The following CDK13 variants were observed in gnomAD, a reference collection of about 807,000 sequenced individuals.
CDK13 encodes cyclin dependent kinase 13, also known as cyclin-dependent kinase 13.
A neutral mutation model predicts 137.6 loss-of-function variants in CDK13; 40 were observed. The observed-to-expected ratio is 0.29, with a 90% CI of 0.23 to 0.38. The LOEUF is 0.38. Among genes scored for constraint, CDK13 ranks in the 10% least tolerant of loss-of-function variants. CDK13 has a pLI of 1.00. For synonymous variants in CDK13, 869 were observed against 760.1 expected (o/e 1.14, Z -2.36); for missense variants, 1,704 against 1,951.8 (o/e 0.87, Z 2.39).
At chr7:39,982,859 G>T (rs886989986) in intron 1 of CDK13, among the ~76,000 whole-genome samples, 6 of 152,088 alleles carry the variant, frequency 3.9e-5, no homozygotes, top group African/African-American at 1.4e-4. Flanking sequence ...TTTTTGATGG[G>T]GTTGTTTGTT....
chr7:40,008,756 C>T (rs781358363), intron 5 of CDK13, among the ~76,000 whole-genome samples: 7 of 152,032 alleles, frequency 4.6e-5, no homozygotes, highest in African/African-American at 7.2e-5. Flanking sequence ...TGTAACAGTG[C>T]GGCTTCCAGC....
At chr7:39,969,671 ATTTT>A in intron 1 of CDK13, among the ~76,000 whole-genome samples, 1 of 144,974 alleles carries the variant, frequency 6.9e-6, no homozygotes, top group African/African-American at 2.5e-5. Flanking sequence ...AATAAGACTT[ATTTT>A]TTTTTTTGTC....
At chr7:40,007,712 A>G (rs1583981246) in intron 5 of CDK13, among the ~76,000 whole-genome samples, 1 of 152,018 alleles carries the variant, frequency 6.6e-6, no homozygotes, top group South Asian at 2.1e-4. Flanking sequence ...ACAGGCATGA[A>G]CCACCGCGCC....
intron 1 of CDK13, among the ~76,000 whole-genome samples, chr7:39,968,504 C>A (rs988932482): frequency 6.6e-6 from 1 of 152,208 alleles, no homozygotes; most frequent in Non-Finnish European, 1.5e-5. Flanking sequence ...TCTGCAGTAG[C>A]TGGGACTACA....
intron 5 of CDK13, among the ~76,000 whole-genome samples, chr7:40,028,598 A>C (rs966168650): frequency 1.5e-4 from 23 of 152,086 alleles, no homozygotes; most frequent in South Asian, 4.1e-4. Context: ...AAGGATCAGA[A>C]ATGCAAATAA....
intron 12 of CDK13, among the ~76,000 whole-genome samples, chr7:40,088,680 A>G (rs1246672875): frequency 1.3e-5 from 2 of 152,214 alleles, no homozygotes; most frequent in Non-Finnish European, 2.9e-5. Flanking sequence ...GTAGGAAGAA[A>G]GGTATAAGAA....
chr7:39,953,755 G>A (rs2116087684), intron 1 of CDK13, among the ~76,000 whole-genome samples: 1 of 152,230 alleles, frequency 6.6e-6, no homozygotes, highest in African/African-American at 2.4e-5. Context: ...AGTTGAATTT[G>A]GAAGGAACTT....
intron 7 of CDK13, among the ~76,000 whole-genome samples, chr7:40,056,927 A>G (rs1211409887): frequency 6.6e-6 from 1 of 152,366 alleles, no homozygotes; most frequent in Admixed American, 6.5e-5. Context: ...GGCTTAAAGA[A>G]TGAGAAGTTT....
chr7:40,021,104 T>TACACACAC (rs1491265610), intron 5 of CDK13, among the ~76,000 whole-genome samples: 5 of 14,638 alleles, frequency 3.4e-4, no homozygotes, highest in Non-Finnish European at 2.1e-3. Flanking sequence ...CAAACAAACG[T>TACACACAC]ATATATATAT....
At position 39,951,799 on chromosome 7, in the gene CDK13, C is replaced by T; in HGVS notation, c.1158C>T (p.Pro386=). ...YERGGDVSPS[P]YSSSSWRRSR... is the part of the protein sequence containing the mutation. ...GGGGCGGCGACGTGTCCCCTAGTCC[C>T]TACAGCAGCAGCAGCTGGCGCCGCT... Residue 386 remains proline (P), a synonymous_variant, in exon 1 of 14, where the codon CCC becomes CCT. Transcript: ENST00000181839. 3 of 1,458,752 alleles carry T rather than the reference C, an allele frequency of 2.1e-6. No individual in the cohort carries two copies. The highest frequency in any genetic ancestry group is 5.2e-5 in the East Asian group (2 of 38,582). 90.4% of individuals were successfully genotyped at this position (1,458,752 alleles called of 1,614,324 possible).
At chr7:40,093,829 C>G (rs778285464) in intron 13 of CDK13, among the ~76,000 whole-genome samples, 1 of 151,168 alleles carries the variant, frequency 6.6e-6, no homozygotes, top group African/African-American at 2.4e-5. Flanking sequence ...TCACTTGAGC[C>G]CAGGAGGTCA....
intron 1 of CDK13, among the ~76,000 whole-genome samples, chr7:39,972,086 A>G (rs1008697404): frequency 1.3e-5 from 2 of 152,202 alleles, no homozygotes; most frequent in Admixed American, 6.6e-5. Flanking sequence ...TCTGTCTTCA[A>G]AAATACATAT....
At position 40,094,186 on chromosome 7, in the gene CDK13, C is replaced by A. The variant is rs1180834007; in HGVS notation, c.3745C>A (p.Pro1249Thr). ...GAGGATCTTGGAGCTAACGCCAGAA[C>A]CAGACCGGCCTCGAATTCTGCCTCC... ...DMRILELTPE[P>T]DRPRILPPDQ... Residue 1249 changes from proline (P) to threonine (T), a missense_variant, in exon 14 of 14, where the codon CCA (proline) becomes ACA (threonine). Physicochemically the swap from Pro to Thr is conservative, Grantham distance 38. Around this residue, in one of 5 missense-constraint regions of CDK13, gnomAD observed 475 missense variants for 579.3 expected, o/e 0.82. Transcript: ENST00000181839. 1.2e-6 allele frequency: 2 copies of A among 1,613,906 alleles called. No individual in the cohort carries two copies. The highest frequency in any genetic ancestry group is 2.2e-5 in the South Asian group (2 of 91,074).
intron 7 of CDK13, among the ~76,000 whole-genome samples, chr7:40,054,065 A>G (rs1348860017): frequency 6.6e-6 from 1 of 152,206 alleles, no homozygotes; most frequent in Non-Finnish European, 1.5e-5. Flanking sequence ...ACCTAGAAGT[A>G]TCTTCCAGGT....
chr7:40,011,275 A>G (rs528379974), intron 5 of CDK13, among the ~76,000 whole-genome samples: 9 of 152,030 alleles, frequency 5.9e-5, no homozygotes, highest in African/African-American at 1.9e-4. Flanking sequence ...CATAATCCCA[A>G]CCCCTTGGAG....
intron 12 of CDK13, among the ~76,000 whole-genome samples, chr7:40,090,313 C>T (rs911342335): frequency 2.0e-5 from 3 of 152,176 alleles, no homozygotes; most frequent in African/African-American, 7.2e-5. Flanking sequence ...ACTTACTTTA[C>T]AACCCTGTTT....
chr7:40,033,868 G>A (rs893984521), intron 5 of CDK13, among the ~76,000 whole-genome samples: 1 of 152,166 alleles, frequency 6.6e-6, no homozygotes, highest in African/African-American at 2.4e-5. Context: ...TGAGACAGGA[G>A]TGCTAGAGGA....
intron 12 of CDK13, chr7:40,092,519 A>T: frequency 2.5e-6 from 1 of 397,716 alleles, no homozygotes; most frequent in Non-Finnish European, 4.5e-6. Context: ...AATCCATAAC[A>T]TGAGGTTTTA....
intron 5 of CDK13, among the ~76,000 whole-genome samples, chr7:40,028,508 A>G (rs892813026): frequency 6.6e-6 from 1 of 152,036 alleles, no homozygotes; most frequent in Middle Eastern, 3.4e-3. Flanking sequence ...GTGAGCCACC[A>G]CGCCCAGCCT....
Sources: gnomAD v4.1 joint callset for allele counts (sites outside exome capture counted in the v4.1 genomes callset) on GRCh38, gnomAD v4.1.1 for gene constraint, gnomAD v4.1.1 regional missense constraint, MANE v1.5 for transcripts, NCBI Gene and HGNC (gene_info 2026-07-23, HGNC 2026-07-21) for gene names.